OSBPL1A: variants seen among roughly 807,000 people sequenced by gnomAD.
The protein encoded by OSBPL1A is oxysterol-binding protein-related protein 1.
Under a neutral mutation model 137.1 loss-of-function variants are expected in OSBPL1A, and 80 were observed. The ratio of observed to expected loss-of-function variants is 0.58; its 90% CI spans 0.49 to 0.70. The LOEUF is 0.70. OSBPL1A is among the 30% of genes least tolerant of loss of function. The pLI is 0.00. For synonymous variants in OSBPL1A, 365 were observed against 389.7 expected (o/e 0.94, Z 0.75); for missense variants, 970 against 1,129.4 (o/e 0.86, Z 2.02).
chr18:24,319,965 T>A (rs2090815072), intron 7 of OSBPL1A, among the ~76,000 whole-genome samples: 1 of 138,698 alleles, frequency 7.2e-6, no homozygotes, highest in Admixed American at 7.6e-5. Context: ...GGTAATACAG[T>A]GAGACCTTAT....
In OSBPL1A at chr18:24,377,490, T is replaced by C. The variant is rs1207104154; in HGVS notation, c.44A>G (p.Asn15Ser). The change falls in exon 2 of 28, where the codon AAT (asparagine) becomes AGT (serine). Residue 15 changes from asparagine (N) to serine (S), a missense_variant. Physicochemically the swap from Asn to Ser is conservative, Grantham distance 46. Around this residue, in one of 2 missense-constraint regions of OSBPL1A, gnomAD observed 647 missense variants for 672.6 expected, o/e 0.96. Coordinates refer to ENST00000319481, the MANE Select transcript of OSBPL1A (RefSeq NM_080597.4). The part of the protein sequence containing the change: ...AEQQLLHHAR[N>S]GNAEEVRQLL... ...TTGTCTTACTTCTTCAGCATTGCCA[T>C]TTCTGGCGTGATGGAGAAGCTGTTG... 1.2e-6 allele frequency: 2 copies of C among 1,612,028 alleles called. No homozygotes were observed. The highest frequency in any genetic ancestry group is 2.2e-5 in the South Asian group (2 of 90,246).
At chr18:24,211,187 G>T (rs912843115) in intron 17 of OSBPL1A, among the ~76,000 whole-genome samples, 1 of 151,638 alleles carries the variant, frequency 6.6e-6, no homozygotes, top group African/African-American at 2.4e-5. Context: ...GGCTGGTCTC[G>T]AACTCCTGAC....
chr18:24,333,153 G>A, intron 6 of OSBPL1A, 67 bp from the exon 7 acceptor site: 2 of 1,545,816 alleles, frequency 1.3e-6, no homozygotes, highest in Middle Eastern at 2.1e-4. Flanking sequence ...ATAATTCACA[G>A]GAGGGTGTAT....
chr18:24,336,225 T>A (rs555709034), intron 5 of OSBPL1A, among the ~76,000 whole-genome samples: 13 of 152,312 alleles, frequency 8.5e-5, no homozygotes, highest in African/African-American at 3.1e-4. Flanking sequence ...TAAATACGTG[T>A]TGAATATTCA....
chr18:24,390,694 C>CAAAAAAAAAAAAAAAAAAAAAA (rs751432894), intron 1 of OSBPL1A, among the ~76,000 whole-genome samples: 1 of 56,212 alleles, frequency 1.8e-5, no homozygotes, highest in African/African-American at 7.1e-5. Flanking sequence ...GACTCCGTCT[C>CAAAAAAAAAAAAAAAAAAAAAA]AAAAAAAAAA....
intron 24 of OSBPL1A, 151 bp downstream of exon 24, chr18:24,170,176 T>C: frequency 1.1e-6 from 1 of 918,906 alleles, no homozygotes; most frequent in East Asian, 2.5e-5. Context: ...TTAAAGCAAA[T>C]GTCTGATCAT....
chr18:24,181,990 T>C (rs2086619128), intron 18 of OSBPL1A, among the ~76,000 whole-genome samples: 1 of 152,244 alleles, frequency 6.6e-6, no homozygotes, highest in African/African-American at 2.4e-5. Flanking sequence ...TGTCTACATT[T>C]GTCTTGTAAC....
chr18:24,364,576 T>A (rs1340355587), intron 4 of OSBPL1A, among the ~76,000 whole-genome samples: 6 of 152,142 alleles, frequency 3.9e-5, no homozygotes. Context: ...GGCAATATAG[T>A]GAGACTTGTC....
At chr18:24,310,461 G>A (rs1437669555) in intron 13 of OSBPL1A, among the ~76,000 whole-genome samples, 1 of 135,192 alleles carries the variant, frequency 7.4e-6, no homozygotes, top group African/African-American at 3.0e-5. Flanking sequence ...AATTAGCCAG[G>A]TGCGGTGGCA....
Position 24,165,159 on chromosome 18 carries a change from AAATAAG to A in OSBPL1A, c.2660-10_2660-5del. Reference sequence around the variant, plus strand: ...TTTTTTTCTTCACTAGCTTGATCTAAAATAAGAACATCAACACAAACCATTAACACT... The same window carrying A: ...TTTTTTTCTTCACTAGCTTGATCTAAAACATCAACACAAACCATTAACACT... On this transcript the variant is annotated splice_polypyrimidine_tract_variant and splice_region_variant and intron_variant, in intron 26 of 27. Transcript: ENST00000319481. 1 of 1,613,650 alleles carries A rather than the reference AAATAAG, an allele frequency of 6.2e-7. No homozygotes were observed. The highest frequency in any genetic ancestry group is 8.5e-7 in the Non-Finnish European group (1 of 1,179,570).
intron 16 of OSBPL1A, among the ~76,000 whole-genome samples, chr18:24,236,149 T>C (rs932822705): frequency 1.4e-4 from 21 of 152,360 alleles, no homozygotes; most frequent in African/African-American, 4.8e-4. Flanking sequence ...CATTGTCTAC[T>C]AAGCCACTAA....
At chr18:24,377,780 C>T (rs565072450) in intron 1 of OSBPL1A, among the ~76,000 whole-genome samples, 1 of 152,308 alleles carries the variant, frequency 6.6e-6, no homozygotes, top group South Asian at 2.1e-4. Flanking sequence ...TTAGTTTCCT[C>T]ATCTGCAGAA....
rs559167159 is a variant in OSBPL1A, at chr18:24,243,342, T to C, written c.1282-3960A>G. Among the ~76,000 whole-genome samples the C allele has an allele frequency of 3.7e-4, 56 of 152,348 alleles. 1 individual carries two copies. In the South Asian group the frequency reaches 5.4e-3, roughly 15 times the overall value. On this transcript the variant is annotated intron_variant, in intron 15 of 27. Coordinates refer to ENST00000319481, the MANE Select transcript of OSBPL1A (RefSeq NM_080597.4). ...TATTTGTAGATTCTAAAATCAACAC[T>C]GCAAGAAAATCCAAATTCTTCACCC...
intron 4 of OSBPL1A, among the ~76,000 whole-genome samples, chr18:24,343,031 T>C (rs114558701): frequency 6.6e-6 from 1 of 152,122 alleles, no homozygotes; most frequent in African/African-American, 2.4e-5. Flanking sequence ...ATAGTTCATA[T>C]TAATTAAAGA....
intron 14 of OSBPL1A, among the ~76,000 whole-genome samples, chr18:24,294,017 A>G (rs193156282): frequency 1.2e-3 from 178 of 152,268 alleles, no homozygotes; most frequent in Non-Finnish European, 2.4e-3. Flanking sequence ...AACAGTTTTA[A>G]GTAGGCTAAA....
chr18:24,369,261 G>A (rs1279396255), intron 2 of OSBPL1A, among the ~76,000 whole-genome samples: 1 of 152,192 alleles, frequency 6.6e-6, no homozygotes, highest in Non-Finnish European at 1.5e-5. Flanking sequence ...ACAATGAAGT[G>A]TCAGATCTTA....
rs781230270 is a variant in OSBPL1A at position 24,225,077 on chromosome 18, G to A, written c.1566C>T (p.Gly522=). Residue 522 remains glycine, a synonymous_variant, in exon 17 of 28, where the codon GGC becomes GGT. Coordinates refer to ENST00000319481, the MANE Select transcript of OSBPL1A (RefSeq NM_080597.4). The part of the protein sequence containing the change: ...HRMSEEKDCG[G]GDALSNGIKK... ...TGATGCCATTGGAGAGAGCATCTCC[G>A]CCACCACAGTCTTTTTCTTCGGACA... The A allele has an allele frequency of 2.5e-5, 41 of 1,614,026 alleles. No individual in the cohort carries two copies. Among genetic ancestry groups the A allele is most frequent in the Admixed American group, 1.8e-4 (11 of 59,994 alleles).
At chr18:24,222,072 G>A (rs181365461) in intron 17 of OSBPL1A, among the ~76,000 whole-genome samples, 48 of 152,256 alleles carry the variant, frequency 3.2e-4, no homozygotes, top group African/African-American at 1.1e-3. Flanking sequence ...GAATAAAAAA[G>A]ATGACAGCAG....
chr18:24,175,139 C>CAT (rs1301852341), intron 21 of OSBPL1A, among the ~76,000 whole-genome samples: 2,234 of 119,594 alleles, frequency 0.019, 139 homozygotes, highest in African/African-American at 0.078. Context: ...TATATATACA[C>CAT]ATATATATAT....
Sources: allele counts gnomAD v4.1 joint callset (sites outside exome capture counted in the v4.1 genomes callset), GRCh38; gene constraint gnomAD v4.1.1; regional missense constraint gnomAD v4.1.1; transcripts MANE v1.5; gene names NCBI Gene and HGNC (gene_info 2026-07-23, HGNC 2026-07-21).